ZNF581: variants seen among roughly 807,000 people sequenced by gnomAD.
The protein encoded by ZNF581 is zinc finger protein 581.
A neutral mutation model predicts 1.2 loss-of-function variants in ZNF581; 1 was observed. The observed-to-expected ratio is 0.83, with a 90% confidence interval of 0.30 to 3.95. The LOEUF is 3.95. ZNF581 is among the 30% of genes most tolerant of loss of function. The pLI, the probability that ZNF581 is intolerant of heterozygous loss-of-function variation, is 0.18. For missense variants in ZNF581, 273 were observed against 274.6 expected, an observed-to-expected ratio of 0.99 and a Z score of 0.04; for synonymous variants, 105 against 109.2, an observed-to-expected ratio of 0.96 and a Z score of 0.24.
At chr19:55,635,518 C>T in exon 1 of ZNF581, 1 of 244,496 alleles carries the variant, frequency 4.1e-6, no homozygotes, top group Non-Finnish European at 6.6e-6. Context: ...ATCTGAGTGG[C>T]CTCTGCCCCC....
chr19:55,645,086 C>T lies in ZNF581; in HGVS notation c.515C>T (p.Pro172Leu), dbSNP rs1426035147. ...QHSRVHSGERPFQCPHCPRRF... is the reference protein window; with the variant it reads ...QHSRVHSGERLFQCPHCPRRF... ...AGCCGGGTGCACTCTGGGGAACGCC[C>T]GTTTCAGTGTCCACACTGCCCTCGC... is the stretch of plus-strand genomic sequence containing the variant. The change falls in exon 2 of 2, where the codon CCG (proline) becomes CTG (leucine). Residue 172 changes from proline (P) to leucine (L), a missense_variant. By Grantham distance (98) the Pro-to-Leu change is moderately conservative. Coordinates refer to ENST00000270451, the MANE Select transcript of ZNF581 (RefSeq NM_016535.4). 5.2e-6 allele frequency: 8 copies of T among 1,550,612 alleles called. No individual in the cohort carries two copies. The highest frequency in any genetic ancestry group is 6.1e-6 in the Non-Finnish European group (7 of 1,142,288).
upstream of ZNF581, chr19:55,643,090 GTCAC>G (rs1982632141): frequency 7.5e-7 from 1 of 1,332,376 alleles, no homozygotes; most frequent in African/African-American, 1.5e-5. Context: ...CCCACACAGC[GTCAC>G]TCACTCCCAC....
rs1292924233 is a variant in ZNF581, at chr19:55,644,116, G to A, written c.-20+342G>A. ...GGGGTCCTAACGTCGGAGCCCCTGT[G>A]AATAGGCTTGGCTTGTATGGAGGGG... On this transcript the variant is annotated intron_variant, in intron 1 of 1. Transcript: ENST00000270451. This position sits in a 1 kb window ranked among gnomAD's most constrained non-coding sequence, Gnocchi z 4.3. 6.6e-6 allele frequency among the ~76,000 whole-genome samples: 1 copy of A among 152,058 alleles called. No individual in the cohort carries two copies. Among genetic ancestry groups the A allele is most frequent in the Non-Finnish European group, 1.5e-5 (1 of 68,012 alleles).
chr19:55,639,006 C>CAA (rs753198174), upstream of ZNF581, among the ~76,000 whole-genome samples: 5,715 of 87,080 alleles, frequency 0.066, 527 homozygotes, highest in East Asian at 0.32. Context: ...ACTCCATCTC[C>CAA]AAAAAAAAAA....
upstream of ZNF581, chr19:55,641,959 A>G (rs1029008060): frequency 5.5e-5 from 43 of 781,828 alleles, no homozygotes; most frequent in Non-Finnish European, 6.4e-5. Context: ...GAATATGAAG[A>G]TGGGGAGGCC....
At chr19:55,640,543 A>G, upstream of ZNF581, 1 of 985,396 alleles carries the variant, frequency 1.0e-6, no homozygotes, top group South Asian at 4.7e-5. Flanking sequence ...ACCTTCCCCA[A>G]CTATCTGGCA....
At chr19:55,642,609 G>A, upstream of ZNF581, 1 of 1,453,030 alleles carries the variant, frequency 6.9e-7, no homozygotes, top group Non-Finnish European at 9.1e-7. Context: ...AAGGCGGAAG[G>A]CCCCTCCTCC....
upstream of ZNF581, among the ~76,000 whole-genome samples, chr19:55,639,531 C>T (rs1196990207): frequency 6.6e-6 from 1 of 152,192 alleles, no homozygotes; most frequent in Non-Finnish European, 1.5e-5. Flanking sequence ...CTTTTGGGCC[C>T]TTGGGCCTCC....
chr19:55,641,034 A>T (rs1568536140), upstream of ZNF581: 18 of 983,966 alleles, frequency 1.8e-5, no homozygotes, highest in African/African-American at 5.3e-5. Flanking sequence ...AACCCCTCGC[A>T]CCCCCGCGCC....
chr19:55,643,364 C>G, upstream of ZNF581: 1 of 300,122 alleles, frequency 3.3e-6, no homozygotes, highest in East Asian at 5.9e-5. Context: ...TGGTTGTCTG[C>G]GGGGAAGAGA....
At chr19:55,640,887 G>A, upstream of ZNF581, 6 of 985,266 alleles carry the variant, frequency 6.1e-6, no homozygotes, top group South Asian at 4.7e-5. Flanking sequence ...GGCGTCTTCA[G>A]TGGACCCCAC....
upstream of ZNF581, chr19:55,641,070 C>T (rs1982432222): frequency 1.0e-6 from 1 of 985,148 alleles, no homozygotes; most frequent in African/African-American, 1.7e-5. Flanking sequence ...CCCGGCGCCG[C>T]CGGCCCGGAG....
upstream of ZNF581, among the ~76,000 whole-genome samples, chr19:55,638,216 G>A (rs910733918): frequency 5.3e-5 from 8 of 152,096 alleles, no homozygotes; most frequent in Non-Finnish European, 1.2e-4. Context: ...AAGACTGGCA[G>A]GAGGTGACAC....
chr19:55,640,990 C>G, upstream of ZNF581: 2 of 985,396 alleles, frequency 2.0e-6, no homozygotes, highest in Non-Finnish European at 2.4e-6. Context: ...GGCTCGCGCG[C>G]TTCCGGCCGG....
At chr19:55,641,160 G>A (rs565524951), upstream of ZNF581, 40 of 985,414 alleles carry the variant, frequency 4.1e-5, no homozygotes, top group African/African-American at 6.8e-4. Flanking sequence ...CCGTTCCTCC[G>A]GACCCGAGAG....
upstream of ZNF581, chr19:55,643,098 C>A (rs1214530396): frequency 1.5e-6 from 2 of 1,321,708 alleles, no homozygotes; most frequent in Non-Finnish European, 1.9e-6. Flanking sequence ...GCGTCACTCA[C>A]TCCCACACAC....
chr19:55,644,646 T>G lies in ZNF581; in HGVS notation c.75T>G (p.Arg25=). ...SSVETMEGPP[R]RTCRSPEPGP... ...TTGAGACCATGGAGGGCCCTCCCCG[T>G]CGGACTTGCCGCTCCCCAGAACCTG... is the stretch of plus-strand genomic sequence containing the variant. Residue 25 remains arginine, a synonymous_variant, in exon 2 of 2, where the codon CGT becomes CGG. Coordinates refer to ENST00000270451, the MANE Select transcript of ZNF581 (RefSeq NM_016535.4). The surrounding 1 kb of genome is among the most constrained non-coding windows in gnomAD (Gnocchi z 4.3). 1 of 1,611,232 alleles carries G rather than the reference T, an allele frequency of 6.2e-7. No individual in the cohort carries two copies. Among genetic ancestry groups the G allele is most frequent in the East Asian group, 2.2e-5 (1 of 44,728 alleles).
upstream of ZNF581, among the ~76,000 whole-genome samples, chr19:55,641,609 G>T (rs73058343): frequency 6.6e-6 from 1 of 152,032 alleles, no homozygotes; most frequent in Non-Finnish European, 1.5e-5. Flanking sequence ...GCGGAGTCCC[G>T]GAGCCTGGTG....
At position 55,644,744 on chromosome 19, in the gene ZNF581, C is replaced by G. The variant is rs1377592837; in HGVS notation, c.173C>G (p.Thr58Ser). The G allele has an allele frequency of 1.2e-6, 2 of 1,614,018 alleles. No individual in the cohort carries two copies. The highest frequency in any genetic ancestry group is 2.2e-5 in the South Asian group (2 of 91,084). Residue 58 changes from threonine (T) to serine (S), a missense_variant, in exon 2 of 2, where the codon ACT (threonine) becomes AGT (serine). Physicochemically the swap from Thr to Ser is moderately conservative, Grantham distance 58. Coordinates refer to ENST00000270451, the MANE Select transcript of ZNF581 (RefSeq NM_016535.4). This position sits in a 1 kb window ranked among gnomAD's most constrained non-coding sequence, Gnocchi z 4.3. ...PRPNHYLLID[T>S]QGVPYTVLVD... ...CCCAACCACTACCTGCTTATTGACACTCAGGGTGTCCCCTACACAGTGCTG... is the reference window on the plus strand; with the variant it reads ...CCCAACCACTACCTGCTTATTGACAGTCAGGGTGTCCCCTACACAGTGCTG...
Sources: gnomAD v4.1 joint callset for allele counts (sites outside exome capture counted in the v4.1 genomes callset) on GRCh38, gnomAD v4.1.1 for gene constraint, Gnocchi (gnomAD v3.1) non-coding constraint, MANE v1.5 for transcripts, NCBI Gene and HGNC (gene_info 2026-07-23, HGNC 2026-07-21) for gene names.